PCDH15: variants seen among roughly 807,000 people sequenced by gnomAD.
The protein encoded by PCDH15 is protocadherin related 15, also known as protocadherin-15.
Under a neutral mutation model 178.5 loss-of-function variants are expected in PCDH15, and 129 were observed. The ratio of observed to expected loss-of-function variants is 0.72; its 90% CI spans 0.63 to 0.84. The LOEUF (loss-of-function observed/expected upper bound fraction) is 0.84, where lower values mean the gene tolerates loss of function less well. Among genes scored for constraint, PCDH15 ranks in the 40% least tolerant of loss-of-function variants. PCDH15 has a pLI of 0.00. For missense variants in PCDH15, 2,230 were observed against 2,099.9 expected (o/e 1.06, Z -1.21); for synonymous variants, 800 against 732.0 (o/e 1.09, Z -1.50).
intron 3 of PCDH15, among the ~76,000 whole-genome samples, chr10:54,853,422 T>TACAC (rs767807012): frequency 2.9e-5 from 4 of 138,292 alleles, no homozygotes. Context: ...TACACATACA[T>TACAC]ATATATATAC....
upstream of PCDH15, among the ~76,000 whole-genome samples, chr10:55,320,362 A>AGACCATGCCCC (rs1174840996): frequency 9.6e-6 from 1 of 104,010 alleles, no homozygotes; most frequent in Non-Finnish European, 1.9e-5. Flanking sequence ...ACCCCAGTCC[A>AGACCATGCCCC]CACCATGCCC....
chr10:55,083,463 T>G (rs7902956), intron 2 of PCDH15, among the ~76,000 whole-genome samples: 2 of 150,436 alleles, frequency 1.3e-5, no homozygotes, highest in Non-Finnish European at 3.0e-5. Flanking sequence ...TACTGAAGAG[T>G]AAAAAAATGA....
chr10:54,324,712 C>T (rs1034512579), intron 7 of PCDH15, among the ~76,000 whole-genome samples: 3 of 152,010 alleles, frequency 2.0e-5, no homozygotes, highest in African/African-American at 7.3e-5. Context: ...CTGCAGTGAA[C>T]CGAGATCACC....
chr10:55,396,890 C>T (rs540489015), intron 2 of PCDH15, among the ~76,000 whole-genome samples: 7 of 152,198 alleles, frequency 4.6e-5, no homozygotes, highest in Admixed American at 3.9e-4. Flanking sequence ...TAAGTAATTT[C>T]CTCCTAAAGG....
At chr10:54,408,166 T>TAA (rs200788397) in intron 3 of PCDH15, among the ~76,000 whole-genome samples, 10 of 148,280 alleles carry the variant, frequency 6.7e-5, no homozygotes, top group Admixed American at 1.4e-4. Flanking sequence ...GCTGTTTTTT[T>TAA]AAAAAAAAAA....
At chr10:54,426,964 T>C (rs1322964674) in intron 3 of PCDH15, among the ~76,000 whole-genome samples, 1 of 152,028 alleles carries the variant, frequency 6.6e-6, no homozygotes, top group Non-Finnish European at 1.5e-5. Context: ...TGCCAGGCAC[T>C]GTGCAACATG....
At chr10:55,363,953 C>G (rs941168713) in intron 2 of PCDH15, among the ~76,000 whole-genome samples, 2 of 151,988 alleles carry the variant, frequency 1.3e-5, no homozygotes. Context: ...TGTCCCCATC[C>G]AAATCTCATC....
intron 2 of PCDH15, among the ~76,000 whole-genome samples, chr10:55,113,442 T>G (rs1289631887): frequency 6.6e-6 from 1 of 152,172 alleles, no homozygotes; most frequent in East Asian, 1.9e-4. Flanking sequence ...AATTATATTC[T>G]CCTTTCTCAT....
intron 2 of PCDH15, among the ~76,000 whole-genome samples, chr10:55,477,135 C>A (rs1422264107): frequency 6.6e-6 from 1 of 151,868 alleles, no homozygotes; most frequent in Non-Finnish European, 1.5e-5. Flanking sequence ...ATACCCCTAC[C>A]TCCTCCCCAA....
At chr10:54,576,602 C>T (rs900965316) in intron 2 of PCDH15, among the ~76,000 whole-genome samples, 1 of 152,158 alleles carries the variant, frequency 6.6e-6, no homozygotes, top group Non-Finnish European at 1.5e-5. Flanking sequence ...TGGGTTATGA[C>T]AGCACTTCTC....
At chr10:54,888,164 G>A (rs1308613607) in intron 3 of PCDH15, among the ~76,000 whole-genome samples, 1 of 151,966 alleles carries the variant, frequency 6.6e-6, no homozygotes, top group Non-Finnish European at 1.5e-5. Flanking sequence ...AAGTTTCCTC[G>A]GGCTCTGTTA....
At chr10:54,898,143 G>T (rs1954578018) in intron 2 of PCDH15, among the ~76,000 whole-genome samples, 1 of 152,064 alleles carries the variant, frequency 6.6e-6, no homozygotes, top group South Asian at 2.1e-4. Context: ...AGAAGCAGAT[G>T]CTGGCACAAT....
intron 8 of PCDH15, among the ~76,000 whole-genome samples, chr10:54,289,483 T>C (rs2059255665): frequency 6.6e-6 from 1 of 152,114 alleles, no homozygotes; most frequent in Admixed American, 6.5e-5. Context: ...CCAGAGTGCC[T>C]CTTCTCCTCC....
chr10:54,516,364 A>G (rs1659301003), intron 3 of PCDH15, among the ~76,000 whole-genome samples: 2 of 152,186 alleles, frequency 1.3e-5, no homozygotes. Context: ...GAAGTGCTTA[A>G]AGGAGCTGAT....
At position 54,874,055 on chromosome 10, in the gene PCDH15, C is replaced by T. The variant is rs1413885021; in HGVS notation, c.-29+23395G>A. Among the ~76,000 whole-genome samples the T allele has an allele frequency of 2.8e-3, 261 of 91,942 alleles. 5 individuals are homozygous for T. Among genetic ancestry groups the T allele is most frequent in the Admixed American group, 7.7e-3 (59 of 7,692 alleles). 60.3% of individuals were successfully genotyped at this position (91,942 alleles called of 152,430 possible). On this transcript the variant is annotated intron_variant, in intron 3 of 5. Coordinates refer to the PCDH15 transcript ENST00000458638. ...GTTACATATGTATACATGTGCCATA[C>T]TGGTGCGCTGCACCCACTAACTCGT...
Position 55,272,128 on chromosome 10 carries a change from G to C in PCDH15, c.-156+47471C>G, listed in dbSNP as rs181759197. ...CAAGAGTAGCACATAAGAATAGTAG[G>C]GAACTTAATAATTATCCAGAAGCTT... is the stretch of plus-strand genomic sequence containing the variant. On this transcript the variant is annotated intron_variant, in intron 1 of 5. Transcript: ENST00000458638. 4.9e-4 allele frequency among the ~76,000 whole-genome samples: 74 copies of C among 151,858 alleles called. 3 individuals are homozygous for C. In the East Asian group the frequency reaches 9.3e-3, roughly 19 times the overall value.
chr10:54,473,878 A>C (rs189684267), intron 3 of PCDH15, among the ~76,000 whole-genome samples: 1 of 152,010 alleles, frequency 6.6e-6, no homozygotes, highest in African/African-American at 2.4e-5. Context: ...AAATTCCATT[A>C]GATTTTCTAA....
At chr10:54,530,799 A>T (rs2083828164) in intron 2 of PCDH15, among the ~76,000 whole-genome samples, 1 of 152,212 alleles carries the variant, frequency 6.6e-6, no homozygotes, top group South Asian at 2.1e-4. Flanking sequence ...AATAATTTAA[A>T]CTTTTTTAAG....
At position 54,437,607 on chromosome 10, in the gene PCDH15, G is replaced by A. The variant is rs73255909; in HGVS notation, c.158-58665C>T. Among the ~76,000 whole-genome samples, 1,176 of 152,156 alleles carry A rather than the reference G, an allele frequency of 7.7e-3. 16 individuals are homozygous for A. The highest frequency in any genetic ancestry group is 0.027 in the African/African-American group (1,108 of 41,520). ...GATGGTTCACACTGTCTCAACTCAT[G>A]GTATCTTGTTAGCAAAAGTGCCTCT... On this transcript the variant is annotated intron_variant, in intron 3 of 37. Coordinates refer to ENST00000644397, the MANE Select transcript of PCDH15 (RefSeq NM_001384140.1).
Sources: gnomAD v4.1 joint callset for allele counts (sites outside exome capture counted in the v4.1 genomes callset) on GRCh38, gnomAD v4.1.1 for gene constraint, MANE v1.5 for transcripts, NCBI Gene and HGNC (gene_info 2026-07-23, HGNC 2026-07-21) for gene names.